PDGFRA: variants seen among roughly 807,000 people sequenced by gnomAD.
The protein encoded by PDGFRA is platelet-derived growth factor receptor alpha.
Under a neutral mutation model 121.5 loss-of-function variants are expected in PDGFRA, and 25 were observed. That is an observed-to-expected ratio of 0.21 (90% CI 0.15 to 0.29). The LOEUF (loss-of-function observed/expected upper bound fraction) is 0.29, where lower values mean the gene tolerates loss of function less well. PDGFRA is among the 10% of genes least tolerant of loss of function. The pLI is 1.00. For synonymous variants in PDGFRA, 463 were observed against 494.8 expected (o/e 0.94, Z 0.85); for missense variants, 1,008 against 1,345.1 (o/e 0.75, Z 3.92).
intron 8 of PDGFRA, 79 bp downstream of exon 8, chr4:54,270,827 G>A (rs951668404): frequency 3.7e-6 from 3 of 813,130 alleles, no homozygotes; most frequent in African/African-American, 1.7e-5. Flanking sequence ...TTTTCTCCCC[G>A]GTCATGGAAG....
intron 1 of PDGFRA, chr4:54,243,670 G>C (rs1444207341): frequency 6.6e-6 from 1 of 152,616 alleles, no homozygotes. Flanking sequence ...ATTTCCATCT[G>C]AGGTATCAGG....
chr4:54,274,256 C>G lies in PDGFRA; in HGVS notation c.1559-275C>G, dbSNP rs1223744974. ...TGCATTTATCCTATTCAAATTCTGT[C>G]CACAAGGTTACTGTTGGAGCAACTT... On this transcript the variant is annotated intron_variant, in intron 10 of 22. Coordinates refer to ENST00000257290, the MANE Select transcript of PDGFRA (RefSeq NM_006206.6). 2.6e-5 allele frequency among the ~76,000 whole-genome samples: 4 copies of G among 152,322 alleles called. No individual in the cohort carries two copies. The East Asian group carries it at 7.7e-4, about 29-fold the overall frequency.
At chr4:54,279,242 C>G (rs908879794) in intron 15 of PDGFRA, among the ~76,000 whole-genome samples, 2 of 152,208 alleles carry the variant, frequency 1.3e-5, no homozygotes, top group Non-Finnish European at 2.9e-5. Context: ...TGTGGCTCTT[C>G]AGGATGTGCG....
intron 1 of PDGFRA, among the ~76,000 whole-genome samples, chr4:54,231,732 A>G (rs377217624): frequency 6.6e-6 from 1 of 152,260 alleles, no homozygotes; most frequent in African/African-American, 2.4e-5. Context: ...ACCCAAGTGC[A>G]GCTGGACCTC....
chr4:54,237,502 A>G (rs1283176430), intron 1 of PDGFRA, among the ~76,000 whole-genome samples: 1 of 152,224 alleles, frequency 6.6e-6, no homozygotes, highest in African/African-American at 2.4e-5. Context: ...AAAGACATCA[A>G]GCTGGCTCTG....
At chr4:54,235,426 C>T (rs1411586146) in intron 1 of PDGFRA, among the ~76,000 whole-genome samples, 2 of 152,266 alleles carry the variant, frequency 1.3e-5, no homozygotes, top group Non-Finnish European at 2.9e-5. Context: ...GTTTACACTA[C>T]CTTTGCACAT....
In PDGFRA at chr4:54,297,810, G is replaced by A. The variant is rs377126983; in HGVS notation, c.*2538G>A. ...AAACACTATTTGTGACTTTTTAAAC[G>A]ATTAGTGATGTCCTTAAAATGTGGT... On this transcript the variant is annotated 3_prime_UTR_variant, in exon 23 of 23. Transcript: ENST00000257290. The A allele has an allele frequency of 9.7e-4, 226 of 233,510 alleles. 2 individuals are homozygous for A. The highest frequency in any genetic ancestry group is 1.4e-3 in the Non-Finnish European group (164 of 118,000). The allele number at this position is 233,510 out of a possible 1,614,324, so 14.5% of individuals were successfully genotyped here.
chr4:54,260,842 A>G (rs1459383112), intron 2 of PDGFRA, among the ~76,000 whole-genome samples: 1 of 152,140 alleles, frequency 6.6e-6, no homozygotes, highest in Non-Finnish European at 1.5e-5. Context: ...TTGGAATCAG[A>G]CATCCTCTGT....
intron 19 of PDGFRA, among the ~76,000 whole-genome samples, chr4:54,287,749 C>T (rs1051625887): frequency 4.6e-5 from 7 of 152,092 alleles, no homozygotes; most frequent in East Asian, 1.9e-4. Context: ...TTGGGGGTTG[C>T]GTCTTACTCC....
chr4:54,267,482 G>A lies in PDGFRA; in HGVS notation c.931+22G>A, dbSNP rs189298666. ...CATGGTACATTCCGCTTTCTAAAAT[G>A]TCAGTTGTCCATGCTGCTCGGGATC... On this transcript the variant is annotated intron_variant, in intron 6 of 22. Transcript: ENST00000257290. The A allele has an allele frequency of 8.1e-6, 13 of 1,614,018 alleles. No individual in the cohort carries two copies. In the African/African-American group the frequency reaches 1.2e-4, roughly 15 times the overall value.
chr4:54,264,870 C>A (rs2110256976), intron 4 of PDGFRA, 49 bp from the exon 5 acceptor site: 3 of 1,534,142 alleles, frequency 2.0e-6, no homozygotes, highest in Non-Finnish European at 2.7e-6. Flanking sequence ...TTATAAGATC[C>A]TGGCTATCCT....
chr4:54,264,801 A>G, intron 4 of PDGFRA, 118 bp from the exon 5 acceptor site: 1 of 949,448 alleles, frequency 1.1e-6, no homozygotes. Flanking sequence ...ATCTTGATCA[A>G]ACTGGTTTGC....
At chr4:54,274,708 A>G (rs1453385051) in intron 11 of PDGFRA, 83 bp downstream of exon 11, 3 of 1,426,514 alleles carry the variant, frequency 2.1e-6, no homozygotes, top group Non-Finnish European at 3.0e-6. Flanking sequence ...TGGCACAGAG[A>G]AGGAGCTCAG....
chr4:54,279,532 A>G (rs1342378454), intron 15 of PDGFRA, among the ~76,000 whole-genome samples: 1 of 152,062 alleles, frequency 6.6e-6, no homozygotes, highest in African/African-American at 2.4e-5. Context: ...TGTTTTTTAC[A>G]TTTCTTTTTT....
intron 1 of PDGFRA, among the ~76,000 whole-genome samples, chr4:54,246,232 A>G (rs1236423188): frequency 1.3e-5 from 2 of 152,206 alleles, no homozygotes; most frequent in African/African-American, 2.4e-5. Context: ...AGACATCTAC[A>G]GAACTCTCCA....
At chr4:54,244,286 A>G (rs1302992878) in intron 1 of PDGFRA, among the ~76,000 whole-genome samples, 4 of 152,144 alleles carry the variant, frequency 2.6e-5, no homozygotes, top group Non-Finnish European at 5.9e-5. Flanking sequence ...CTGACCCCTG[A>G]CCCCTGAGCA....
In PDGFRA at chr4:54,276,149, CT is replaced by C. The variant is rs200615033; in HGVS notation, c.1786+1177del. Reference sequence around the variant, plus strand: ...CTTGGGGCCCCTACCTAGGAACTGACTCAGTGCAAGAGGACAGCATCAGCTC... The same window carrying C: ...CTTGGGGCCCCTACCTAGGAACTGACCAGTGCAAGAGGACAGCATCAGCTC... On this transcript the variant is annotated intron_variant, in intron 12 of 22. Transcript: ENST00000257290. Among the ~76,000 whole-genome samples, 1,421 of 152,244 alleles carry C rather than the reference CT, an allele frequency of 9.3e-3. 23 individuals are homozygous for C. Among genetic ancestry groups the C allele is most frequent in the African/African-American group, 0.032 (1,321 of 41,526 alleles).
At chr4:54,265,274 A>G in intron 5 of PDGFRA, 1 of 526,728 alleles carries the variant, frequency 1.9e-6, no homozygotes, top group Admixed American at 2.9e-5. Context: ...GAATACATAA[A>G]GAGTGTGCCG....
intron 16 of PDGFRA, among the ~76,000 whole-genome samples, chr4:54,282,281 G>C (rs572842007): frequency 6.6e-6 from 1 of 152,080 alleles, no homozygotes; most frequent in Non-Finnish European, 1.5e-5. Flanking sequence ...GATTCTGCAG[G>C]CTTTACAGGA....
Sources: allele counts gnomAD v4.1 joint callset (sites outside exome capture counted in the v4.1 genomes callset), GRCh38; gene constraint gnomAD v4.1.1; transcripts MANE v1.5; gene names NCBI Gene and HGNC (gene_info 2026-07-23, HGNC 2026-07-21).